ADCY2: variants seen among roughly 807,000 people sequenced by gnomAD.
ADCY2 encodes the protein adenylate cyclase type 2.
ADCY2 carries 31 observed loss-of-function variants against 125.2 expected under a neutral mutation model. The ratio of observed to expected loss-of-function variants is 0.25; its 90% CI spans 0.19 to 0.33. The LOEUF is 0.33. ADCY2 is among the 10% of genes least tolerant of loss of function. The pLI is 1.00. For synonymous variants in ADCY2, 512 were observed against 548.4 expected, an observed-to-expected ratio of 0.93 and a Z score of 0.93; for missense variants, 904 against 1,418.2, an observed-to-expected ratio of 0.64 and a Z score of 5.82.
intron 2 of ADCY2, among the ~76,000 whole-genome samples, chr5:7,461,714 G>T (rs1327274163): frequency 6.6e-6 from 1 of 152,186 alleles, no homozygotes; most frequent in Non-Finnish European, 1.5e-5. Context: ...TTTTGGAATA[G>T]AAATTTATTA....
intron 2 of ADCY2, among the ~76,000 whole-genome samples, chr5:7,455,801 A>C (rs941085109): frequency 2.1e-4 from 30 of 144,966 alleles, no homozygotes; most frequent in African/African-American, 4.2e-4. Flanking sequence ...ATATATTCTT[A>C]TTATTATAAT....
chr5:7,668,002 G>C (rs1490520850), intron 4 of ADCY2, among the ~76,000 whole-genome samples: 3 of 152,188 alleles, frequency 2.0e-5, no homozygotes, highest in Non-Finnish European at 2.9e-5. Flanking sequence ...TGAATTGTAT[G>C]ATCCCTCTAG....
At chr5:7,538,057 C>T (rs1734876442) in intron 3 of ADCY2, among the ~76,000 whole-genome samples, 1 of 152,220 alleles carries the variant, frequency 6.6e-6, no homozygotes, top group Non-Finnish European at 1.5e-5. Context: ...TAACACTGGA[C>T]TCTCTTTCCT....
intron 2 of ADCY2, among the ~76,000 whole-genome samples, chr5:7,500,585 G>GA (rs1399408926): frequency 6.6e-6 from 1 of 152,062 alleles, no homozygotes; most frequent in African/African-American, 2.4e-5. Context: ...AAAATCAGGA[G>GA]AAAAAACACC....
In ADCY2 at chr5:7,829,012, A is replaced by G. The variant is rs544199580; in HGVS notation, c.*2141A>G. On this transcript the variant is annotated 3_prime_UTR_variant, in exon 25 of 25. Transcript: ENST00000338316. ...AGGAGAACTGTGCTCTCCCAAAGCC[A>G]TATCACCAGTCTTACCAAACAATAG... 27 of 152,508 alleles carry G rather than the reference A, an allele frequency of 1.8e-4. No individual in the cohort carries two copies. The highest frequency in any genetic ancestry group is 6.3e-4 in the African/African-American group (26 of 41,594). The allele number at this position is 152,508 out of a possible 1,614,324, so 9.4% of individuals were successfully genotyped here.
intron 22 of ADCY2, among the ~76,000 whole-genome samples, chr5:7,812,612 T>C (rs1023201462): frequency 6.6e-6 from 1 of 152,090 alleles, no homozygotes; most frequent in Non-Finnish European, 1.5e-5. Flanking sequence ...TGAAACCCAA[T>C]GAGGTAGGGA....
In ADCY2 at chr5:7,698,372, A is replaced by G; in HGVS notation, c.1107A>G (p.Ile369Met). Reference protein sequence around the residue: ...VKMGLDMCEAIKKVRDATGVD... With the variant: ...VKMGLDMCEAMKKVRDATGVD... ...TGGGGCTGGACATGTGTGAAGCCAT[A>G]AAGTAAGTGGACTGCTTAGTAAGCA... Residue 369 changes from isoleucine (I) to methionine (M), a missense_variant and splice_region_variant, in exon 7 of 25, where the codon ATA becomes ATG. Ile to Met is a conservative substitution (Grantham distance 10). Around this residue, in one of 7 missense-constraint regions of ADCY2, gnomAD observed 117 missense variants for 248.0 expected, o/e 0.47. Coordinates refer to ENST00000338316, the MANE Select transcript of ADCY2 (RefSeq NM_020546.3). 6.2e-7 allele frequency: 1 copy of G among 1,614,126 alleles called. No individual in the cohort carries two copies.
chr5:7,412,264 G>T (rs1399832617), intron 1 of ADCY2, among the ~76,000 whole-genome samples: 1 of 152,130 alleles, frequency 6.6e-6, no homozygotes, highest in African/African-American at 2.4e-5. Flanking sequence ...TAAAGTCAAT[G>T]ATTGTTTCAC....
chr5:7,480,603 G>T (rs2126471833), intron 2 of ADCY2, among the ~76,000 whole-genome samples: 1 of 152,268 alleles, frequency 6.6e-6, no homozygotes, highest in Middle Eastern at 3.4e-3. Flanking sequence ...GCCTATTGGA[G>T]GGTGAAGAGT....
chr5:7,499,673 A>G (rs374153545), intron 2 of ADCY2, among the ~76,000 whole-genome samples: 1 of 116,386 alleles, frequency 8.6e-6, no homozygotes, highest in Non-Finnish European at 1.9e-5. Context: ...ATATATATAT[A>G]TATATATATG....
At chr5:7,671,120 C>T (rs2126704171) in intron 4 of ADCY2, among the ~76,000 whole-genome samples, 1 of 152,316 alleles carries the variant, frequency 6.6e-6, no homozygotes. Context: ...AGTTCTTCAG[C>T]TATGAACAGC....
intron 3 of ADCY2, among the ~76,000 whole-genome samples, chr5:7,567,294 T>G (rs1490558906): frequency 1.3e-5 from 2 of 152,224 alleles, no homozygotes. Context: ...AGAATTAGTT[T>G]AAAAGACTTC....
chr5:7,427,271 G>C (rs1324195510), intron 2 of ADCY2, among the ~76,000 whole-genome samples: 1 of 152,174 alleles, frequency 6.6e-6, no homozygotes, highest in Non-Finnish European at 1.5e-5. Context: ...GAGCCCACCT[G>C]TATTAGTTCA....
At chr5:7,531,426 C>T (rs550023385) in intron 3 of ADCY2, among the ~76,000 whole-genome samples, 13 of 152,174 alleles carry the variant, frequency 8.5e-5, no homozygotes, top group Non-Finnish European at 1.8e-4. Flanking sequence ...AGATGAGAAA[C>T]GGTATTGGTT....
Position 7,816,969 on chromosome 5 carries a change from A to G in ADCY2, c.2987A>G (p.Lys996Arg), listed in dbSNP as rs979298113. The G allele has an allele frequency of 6.2e-7, 1 of 1,614,026 alleles. No homozygotes were observed. Residue 996 changes from lysine (K) to arginine (R), a missense_variant, in exon 23 of 25, where the codon AAA (lysine) becomes AGA (arginine). Lys to Arg is a conservative substitution (Grantham distance 26). Transcript: ENST00000338316. The stretch of plus-strand genomic sequence containing the variant: ...AACAAGCACTCCTTCAACGACTTCA[A>G]ATTGCGAGTGGGTACGTTCTGCAAA... The part of the protein sequence containing the change: ...AINKHSFNDF[K>R]LRVGINHGPV...
chr5:7,759,778 G>A (rs928265277), intron 16 of ADCY2, among the ~76,000 whole-genome samples: 1 of 152,152 alleles, frequency 6.6e-6, no homozygotes, highest in African/African-American at 2.4e-5. Flanking sequence ...GCAATTCCCT[G>A]GGGTACCACT....
chr5:7,640,944 A>G (rs1375948317), intron 4 of ADCY2, among the ~76,000 whole-genome samples: 1 of 152,206 alleles, frequency 6.6e-6, no homozygotes, highest in Non-Finnish European at 1.5e-5. Context: ...TGCTTTTCTG[A>G]TGCCTCAAAG....
intron 3 of ADCY2, among the ~76,000 whole-genome samples, chr5:7,615,827 C>T (rs559051861): frequency 3.9e-5 from 6 of 152,178 alleles, no homozygotes; most frequent in African/African-American, 1.2e-4. Flanking sequence ...AAAACCAGTA[C>T]GATGCAGATA....
chr5:7,510,259 G>C (rs1744004956), intron 2 of ADCY2, among the ~76,000 whole-genome samples: 1 of 152,198 alleles, frequency 6.6e-6, no homozygotes, highest in Admixed American at 6.5e-5. Flanking sequence ...CTAGTTCACT[G>C]ATTCATTGAT....
Sources: allele counts gnomAD v4.1 joint callset (sites outside exome capture counted in the v4.1 genomes callset), GRCh38; gene constraint gnomAD v4.1.1; regional missense constraint gnomAD v4.1.1; transcripts MANE v1.5; gene names NCBI Gene and HGNC (gene_info 2026-07-23, HGNC 2026-07-21).